The following CHST12 variants were observed in gnomAD, a reference collection of about 807,000 sequenced individuals.
CHST12 encodes carbohydrate sulfotransferase 12, also known as carbohydrate (chondroitin 4) sulfotransferase 12.
CHST12 carries 23 observed loss-of-function variants against 27.9 expected under a neutral mutation model. The ratio of observed to expected loss-of-function variants is 0.82; its 90% CI spans 0.59 to 1.17. The LOEUF is 1.17. CHST12 is among the 50% of genes most tolerant of loss of function. CHST12 has a pLI of 0.00. For synonymous variants in CHST12, 322 were observed against 273.0 expected, an observed-to-expected ratio of 1.18 and a Z score of -1.77; for missense variants, 682 against 603.0, an observed-to-expected ratio of 1.13 and a Z score of -1.37.
intron 1 of CHST12, among the ~76,000 whole-genome samples, chr7:2,416,408 C>T (rs1018437112): frequency 2.0e-5 from 3 of 152,152 alleles, no homozygotes; most frequent in Non-Finnish European, 4.4e-5. Flanking sequence ...CTGTGAATCC[C>T]GAATGTTCTT....
intron 1 of CHST12, among the ~76,000 whole-genome samples, chr7:2,405,886 C>T (rs77024547): frequency 2.6e-5 from 4 of 152,284 alleles, no homozygotes; most frequent in Non-Finnish European, 5.9e-5. Context: ...AAGAGACAGC[C>T]TGTACAAGGA....
chr7:2,405,037 T>A (rs1290209831), intron 1 of CHST12, among the ~76,000 whole-genome samples: 1 of 152,064 alleles, frequency 6.6e-6, no homozygotes, highest in Non-Finnish European at 1.5e-5. Flanking sequence ...ACCTATGAAT[T>A]GGGGCGTTTG....
chr7:2,433,519 G>T lies in CHST12; in HGVS notation c.880G>T (p.Ala294Ser). 1 of 1,612,650 alleles carries T rather than the reference G, an allele frequency of 6.2e-7. No individual in the cohort carries two copies. Among genetic ancestry groups the T allele is most frequent in the Non-Finnish European group, 8.5e-7 (1 of 1,179,920 alleles). ...LPASAREAFR[A>S]GLKVSFANFI... ...CGCCTCGGCGCGCGAGGCCTTCCGCGCTGGCCTCAAGGTGTCCTTCGCCAA... is the reference window on the plus strand; with the variant it reads ...CGCCTCGGCGCGCGAGGCCTTCCGCTCTGGCCTCAAGGTGTCCTTCGCCAA... The change falls in exon 2 of 2, where the codon GCT (alanine) becomes TCT (serine). Residue 294 changes from alanine to serine, a missense_variant. Physicochemically the swap from Ala to Ser is moderately conservative, Grantham distance 99. Transcript: ENST00000618655. The surrounding 1 kb of genome is among the most constrained non-coding windows in gnomAD (Gnocchi z 6.1).
At position 2,434,118 on chromosome 7, in the gene CHST12, C is replaced by CGCCCCCT; in HGVS notation, c.*234_*235insGCCCCCT. 2.8e-6 allele frequency: 1 copy of CGCCCCCT among 353,530 alleles called. No individual in the cohort carries two copies. Among genetic ancestry groups the CGCCCCCT allele is most frequent in the Admixed American group, 5.0e-5 (1 of 20,044 alleles). The allele number at this position is 353,530 out of a possible 1,614,324, so 21.9% of individuals were successfully genotyped here. A position where few individuals can be genotyped will look rare whatever the true frequency, so the allele number is the denominator to read the frequency against. ...CTCTCCCCTCCGCCCGCCCACCCGC[C>CGCCCCCT]CGCCCGCTCGCCCGCTCGCCCGCTC... is the stretch of plus-strand genomic sequence containing the variant. On this transcript the variant is annotated 3_prime_UTR_variant, in exon 2 of 2. Coordinates refer to ENST00000618655, the MANE Select transcript of CHST12 (RefSeq NM_018641.5).
At chr7:2,420,611 C>G (rs1781945935) in intron 1 of CHST12, among the ~76,000 whole-genome samples, 1 of 152,074 alleles carries the variant, frequency 6.6e-6, no homozygotes, top group Non-Finnish European at 1.5e-5. Context: ...AATTCAAGAC[C>G]ACCCTGACAA....
rs1285813052 is a variant in CHST12 at position 2,445,909 on chromosome 7, G to A, written c.*12025G>A. Reference sequence around the variant, plus strand: ...TTAATGGACGGCTCTTTGAAGTCATGGGCTGAGCCAGAAGGAATTGTCATG... The same window carrying A: ...TTAATGGACGGCTCTTTGAAGTCATAGGCTGAGCCAGAAGGAATTGTCATG... On this transcript the variant is annotated 3_prime_UTR_variant, in exon 2 of 2. Coordinates refer to ENST00000618655, the MANE Select transcript of CHST12 (RefSeq NM_018641.5). 1 of 152,250 alleles carries A rather than the reference G, an allele frequency of 6.6e-6. No homozygotes were observed. The highest frequency in any genetic ancestry group is 1.5e-5 in the Non-Finnish European group (1 of 68,068). The allele number at this position is 152,250 out of a possible 1,614,324, so 9.4% of individuals were successfully genotyped here.
At chr7:2,427,581 C>T (rs992402177) in intron 1 of CHST12, among the ~76,000 whole-genome samples, 1 of 152,014 alleles carries the variant, frequency 6.6e-6, no homozygotes, top group Non-Finnish European at 1.5e-5. Flanking sequence ...TGCCACCCCC[C>T]CCTACAGAGA....
intron 1 of CHST12, among the ~76,000 whole-genome samples, chr7:2,406,698 T>A (rs1277670458): frequency 2.0e-5 from 3 of 151,486 alleles, no homozygotes; most frequent in African/African-American, 7.3e-5. Context: ...CATCAGGAGG[T>A]CCCCAGTCAG....
chr7:2,432,245 C>T (rs1339525128), intron 1 of CHST12, among the ~76,000 whole-genome samples: 1 of 150,204 alleles, frequency 6.7e-6, no homozygotes, highest in Non-Finnish European at 1.5e-5. Flanking sequence ...GTCTCCACTC[C>T]CTGGGAGGCG....
At position 2,445,783 on chromosome 7, in the gene CHST12, G is replaced by C. The variant is rs974471268; in HGVS notation, c.*11899G>C. ...AAGCTCCCTGGGTGCCCGCCCACAG[G>C]TGTCACCCTTTAAGGAGAAAGTGGC... On this transcript the variant is annotated 3_prime_UTR_variant, in exon 2 of 2. Transcript: ENST00000618655. 6.6e-6 allele frequency: 1 copy of C among 152,306 alleles called. No homozygotes were observed. The highest frequency in any genetic ancestry group is 2.4e-5 in the African/African-American group (1 of 41,458). The allele number at this position is 152,306 out of a possible 1,614,324, so 9.4% of individuals were successfully genotyped here. A position where few individuals can be genotyped will look rare whatever the true frequency, so the allele number is the denominator to read the frequency against.
At chr7:2,430,712 A>G (rs1015929939) in intron 1 of CHST12, among the ~76,000 whole-genome samples, 2 of 151,672 alleles carry the variant, frequency 1.3e-5, no homozygotes, top group African/African-American at 4.8e-5. Context: ...TCGGCCTCCC[A>G]AAGTGCTGGG....
intron 1 of CHST12, among the ~76,000 whole-genome samples, chr7:2,423,992 C>T (rs961630089): frequency 1.3e-5 from 2 of 152,084 alleles, no homozygotes; most frequent in African/African-American, 4.8e-5. Flanking sequence ...GTCGAGGCTG[C>T]AGTGAGCCGA....
At chr7:2,431,534 C>T (rs952619881) in intron 1 of CHST12, among the ~76,000 whole-genome samples, 2 of 152,208 alleles carry the variant, frequency 1.3e-5, no homozygotes, top group African/African-American at 2.4e-5. Flanking sequence ...CATCTCCTTC[C>T]ACCTTGTGGA....
At chr7:2,409,755 G>A (rs1781615972) in intron 1 of CHST12, among the ~76,000 whole-genome samples, 1 of 152,194 alleles carries the variant, frequency 6.6e-6, no homozygotes, top group South Asian at 2.1e-4. Flanking sequence ...TGTATGTGTG[G>A]CATTGAATTG....
rs1349984464 is a variant in CHST12 at position 2,445,690 on chromosome 7, A to G, written c.*11806A>G. 1 of 152,116 alleles carries G rather than the reference A, an allele frequency of 6.6e-6. No individual in the cohort carries two copies. The highest frequency in any genetic ancestry group is 1.5e-5 in the Non-Finnish European group (1 of 68,038). The allele number at this position is 152,116 out of a possible 1,614,324, so 9.4% of individuals were successfully genotyped here. On this transcript the variant is annotated 3_prime_UTR_variant, in exon 2 of 2. Transcript: ENST00000618655. Reference sequence around the variant, plus strand: ...CGTGATCTGCCCACGTTGGCCTCCAAAGTGCTAGGATTATAAGTGTGAGCC... The same window carrying G: ...CGTGATCTGCCCACGTTGGCCTCCAGAGTGCTAGGATTATAAGTGTGAGCC...
In CHST12 at chr7:2,432,800, C is replaced by A. The variant is rs563115579; in HGVS notation, c.161C>A (p.Pro54Gln). 4.3e-6 allele frequency: 7 copies of A among 1,613,744 alleles called. No individual in the cohort carries two copies. The highest frequency in any genetic ancestry group is 5.9e-6 in the Non-Finnish European group (7 of 1,179,830). Residue 54 changes from proline to glutamine, a missense_variant, in exon 2 of 2, where the codon CCG becomes CAG. Physicochemically the swap from Pro to Gln is moderately conservative, Grantham distance 76 (BLOSUM62 -1). Coordinates refer to ENST00000618655, the MANE Select transcript of CHST12 (RefSeq NM_018641.5). ...GGGCCGCCGCTGCCCACGCCCGGGC[C>A]GGACAGGGACAGGGAGCTCACGGCC... Reference protein sequence around the residue: ...HTGPPLPTPGPDRDRELTADS... With the variant: ...HTGPPLPTPGQDRDRELTADS...
intron 1 of CHST12, chr7:2,403,976 G>C (rs1781453454): frequency 6.6e-6 from 1 of 152,418 alleles, no homozygotes; most frequent in Admixed American, 6.5e-5. Context: ...CGAGAAATCT[G>C]TGGTTCTGAT....
At position 2,406,914 on chromosome 7, in the gene CHST12, G is replaced by T. The variant is rs1305659858; in HGVS notation, c.-78+3241G>T. Among the ~76,000 whole-genome samples the T allele has an allele frequency of 2.6e-5, 4 of 152,130 alleles. No individual in the cohort carries two copies. The East Asian group carries it at 7.7e-4, about 29-fold the overall frequency. On this transcript the variant is annotated intron_variant, in intron 1 of 1. Coordinates refer to ENST00000618655, the MANE Select transcript of CHST12 (RefSeq NM_018641.5). ...TGCAGGAAGGAGCCTTAGAAAGCAG[G>T]CTGTCATTAATGTCCACGCGGAGGT...
chr7:2,418,287 G>A lies in CHST12; in HGVS notation c.-77-14276G>A, dbSNP rs1053215405. Reference sequence around the variant, plus strand: ...CTGTCAGCCTAACCACAGTGTTTGCGTTTAAACCTAACCTAATAATTTTCA... The same window carrying A: ...CTGTCAGCCTAACCACAGTGTTTGCATTTAAACCTAACCTAATAATTTTCA... On this transcript the variant is annotated intron_variant, in intron 1 of 1. Coordinates refer to ENST00000618655, the MANE Select transcript of CHST12 (RefSeq NM_018641.5). 4.6e-5 allele frequency among the ~76,000 whole-genome samples: 7 copies of A among 152,330 alleles called. No homozygotes were observed. The South Asian group carries it at 1.0e-3, about 23-fold the overall frequency.
Sources: gnomAD v4.1 joint callset for allele counts (sites outside exome capture counted in the v4.1 genomes callset) on GRCh38, gnomAD v4.1.1 for gene constraint, Gnocchi (gnomAD v3.1) non-coding constraint, MANE v1.5 for transcripts, NCBI Gene and HGNC (gene_info 2026-07-23, HGNC 2026-07-21) for gene names.